PDE3B: variants seen among roughly 807,000 people sequenced by gnomAD.
PDE3B encodes the protein cGMP-inhibited 3',5'-cyclic phosphodiesterase 3B.
PDE3B carries 66 observed loss-of-function variants against 116.8 expected under a neutral mutation model. That is an observed-to-expected ratio of 0.56 (90% CI 0.46 to 0.69). The LOEUF is 0.69. Among genes scored for constraint, PDE3B ranks in the 30% least tolerant of loss-of-function variants. The probability of loss-of-function intolerance (pLI) is 0.00; values close to 1 mark genes in which losing one functional copy is unlikely to be tolerated. For synonymous variants in PDE3B, 595 were observed against 533.6 expected (o/e 1.12, Z -1.59); for missense variants, 1,384 against 1,368.1 (o/e 1.01, Z -0.18).
intron 1 of PDE3B, among the ~76,000 whole-genome samples, chr11:14,688,222 T>A (rs1854945397): frequency 6.7e-6 from 1 of 150,278 alleles, no homozygotes; most frequent in Non-Finnish European, 1.5e-5. Flanking sequence ...ACATGAGTAT[T>A]TTCAGGAAAT....
At chr11:14,761,301 A>G (rs145443285) in intron 1 of PDE3B, among the ~76,000 whole-genome samples, 222 of 152,294 alleles carry the variant, frequency 1.5e-3, no homozygotes, top group African/African-American at 4.9e-3. Context: ...AAAAAGTGCA[A>G]TGTTTGGGAA....
At chr11:14,760,283 A>G (rs1289394847) in intron 1 of PDE3B, among the ~76,000 whole-genome samples, 4 of 152,210 alleles carry the variant, frequency 2.6e-5, no homozygotes, top group Non-Finnish European at 4.4e-5. Context: ...CATAGATTCT[A>G]TAACCAAAAT....
intron 1 of PDE3B, among the ~76,000 whole-genome samples, chr11:14,678,402 T>C (rs980284584): frequency 6.6e-6 from 1 of 152,226 alleles, no homozygotes; most frequent in African/African-American, 2.4e-5. Context: ...TGTTTAACTT[T>C]ATAAGAAATT....
intron 12 of PDE3B, among the ~76,000 whole-genome samples, chr11:14,847,454 T>C (rs1847634805): frequency 6.6e-6 from 1 of 150,794 alleles, no homozygotes; most frequent in Non-Finnish European, 1.5e-5. Flanking sequence ...AGCAAACACA[T>C]TCAAAAGCTA....
At chr11:14,649,737 G>T (rs1352569941) in intron 1 of PDE3B, among the ~76,000 whole-genome samples, 1 of 152,142 alleles carries the variant, frequency 6.6e-6, no homozygotes, top group South Asian at 2.1e-4. Flanking sequence ...GCAGCTGGTC[G>T]CAAACTCATG....
At chr11:14,688,128 TCTCTCTCTCTCTCTCC>T (rs1854935565) in intron 1 of PDE3B, among the ~76,000 whole-genome samples, 3 of 137,136 alleles carry the variant, frequency 2.2e-5, no homozygotes, top group African/African-American at 7.9e-5. Flanking sequence ...TCTCTCTCTC[TCTCTCTCTCTCTCTCC>T]CTCCCTCCCT....
intron 1 of PDE3B, among the ~76,000 whole-genome samples, chr11:14,731,011 TGTA>T (rs1856441764): frequency 6.6e-6 from 1 of 152,224 alleles, no homozygotes; most frequent in South Asian, 2.1e-4. Context: ...TTTTTCTAAA[TGTA>T]GTATAAATAT....
chr11:14,789,011 T>C, intron 3 of PDE3B, 95 bp from the exon 4 acceptor site: 1 of 817,026 alleles, frequency 1.2e-6, no homozygotes, highest in African/African-American at 1.8e-5. Flanking sequence ...GTTAAAAATA[T>C]ACTTTGTATT....
At chr11:14,647,925 G>A (rs1210823045) in intron 1 of PDE3B, among the ~76,000 whole-genome samples, 3 of 142,616 alleles carry the variant, frequency 2.1e-5, no homozygotes, top group Admixed American at 6.9e-5. Context: ...TCTTAACTAA[G>A]GTTTTTTTTT....
At chr11:14,771,445 C>T (rs556649098) in intron 1 of PDE3B, among the ~76,000 whole-genome samples, 16 of 151,732 alleles carry the variant, frequency 1.1e-4, no homozygotes, top group African/African-American at 3.6e-4. Context: ...ATGTGCATAT[C>T]AAAAGGGGTA....
At chr11:14,800,000 G>A (rs1010346276) in intron 4 of PDE3B, among the ~76,000 whole-genome samples, 8 of 152,102 alleles carry the variant, frequency 5.3e-5, no homozygotes, top group Admixed American at 5.2e-4. Context: ...TTGCCCTTTA[G>A]TTGATGCAGT....
chr11:14,747,611 A>C (rs1396263789), intron 1 of PDE3B, among the ~76,000 whole-genome samples: 1 of 152,156 alleles, frequency 6.6e-6, no homozygotes, highest in East Asian at 1.9e-4. Context: ...GTGCTGTATA[A>C]AGTTTTTAAA....
chr11:14,721,200 A>G (rs2133841150), intron 1 of PDE3B, among the ~76,000 whole-genome samples: 2 of 152,314 alleles, frequency 1.3e-5, no homozygotes, highest in South Asian at 4.1e-4. Flanking sequence ...GCCATCAGAG[A>G]AATGCAAATC....
At chr11:14,753,416 A>T (rs1421594638) in intron 1 of PDE3B, among the ~76,000 whole-genome samples, 2 of 152,148 alleles carry the variant, frequency 1.3e-5, no homozygotes, top group African/African-American at 4.8e-5. Context: ...TATCTTCTGT[A>T]ATAACATGAT....
At chr11:14,867,963 C>T (rs781848944) in intron 15 of PDE3B, among the ~76,000 whole-genome samples, 5 of 152,100 alleles carry the variant, frequency 3.3e-5, no homozygotes, top group Non-Finnish European at 5.9e-5. Flanking sequence ...AAATCAGAAA[C>T]CCCTCTGGTC....
At chr11:14,836,868 G>A (rs1419791922) in intron 11 of PDE3B, among the ~76,000 whole-genome samples, 1 of 152,228 alleles carries the variant, frequency 6.6e-6, no homozygotes, top group African/African-American at 2.4e-5. Context: ...AGAGTACAGT[G>A]GCTTGATCTC....
At chr11:14,704,523 G>C (rs542175956) in intron 1 of PDE3B, among the ~76,000 whole-genome samples, 2 of 151,858 alleles carry the variant, frequency 1.3e-5, no homozygotes, top group East Asian at 3.9e-4. Flanking sequence ...TGGATTTATA[G>C]TTCCTGATTT....
At chr11:14,746,978 G>A (rs1003268654) in intron 1 of PDE3B, among the ~76,000 whole-genome samples, 2 of 152,166 alleles carry the variant, frequency 1.3e-5, no homozygotes, top group East Asian at 1.9e-4. Context: ...TCTTCAGGCT[G>A]TACAGGAAGT....
chr11:14,809,388 A>G (rs1187755218), intron 5 of PDE3B, among the ~76,000 whole-genome samples: 4 of 152,238 alleles, frequency 2.6e-5, no homozygotes, highest in African/African-American at 9.6e-5. Flanking sequence ...ACAGTAGAAT[A>G]TTTTTTGTCA....
Sources: allele counts gnomAD v4.1 joint callset (sites outside exome capture counted in the v4.1 genomes callset), GRCh38; gene constraint gnomAD v4.1.1; transcripts MANE v1.5; gene names NCBI Gene and HGNC (gene_info 2026-07-23, HGNC 2026-07-21).